Variants in CSNK1G2 observed in about 807,000 individuals in gnomAD.
The protein encoded by CSNK1G2 is casein kinase I isoform gamma-2.
In CSNK1G2, 11 loss-of-function variants were observed where a neutral mutation model predicts 48.0. That is an observed-to-expected ratio of 0.23 (90% CI 0.14 to 0.38). The LOEUF (loss-of-function observed/expected upper bound fraction) is 0.38, where lower values mean the gene tolerates loss of function less well. CSNK1G2 is among the 10% of genes least tolerant of loss of function. The pLI, the probability that CSNK1G2 is intolerant of heterozygous loss-of-function variation, is 1.00. For missense variants in CSNK1G2, 446 were observed against 595.5 expected (o/e 0.75, Z 2.61); for synonymous variants, 337 against 254.1 (o/e 1.33, Z -3.10).
At chr19:1,961,083 G>A (rs1024385778) in intron 1 of CSNK1G2, among the ~76,000 whole-genome samples, 1 of 152,224 alleles carries the variant, frequency 6.6e-6, no homozygotes, top group African/African-American at 2.4e-5. Flanking sequence ...CCCGCATGGT[G>A]GTCCTCTGCG....
At chr19:1,970,723 G>A (rs1279888876) in intron 2 of CSNK1G2, among the ~76,000 whole-genome samples, 1 of 152,218 alleles carries the variant, frequency 6.6e-6, no homozygotes, top group Non-Finnish European at 1.5e-5. Flanking sequence ...GAGCTCCTGC[G>A]GGAGGGCATT....
chr19:1,975,299 A>G lies in CSNK1G2; in HGVS notation c.188-3006A>G, dbSNP rs545256028. On this transcript the variant is annotated intron_variant, in intron 2 of 11. Coordinates refer to ENST00000255641, the MANE Select transcript of CSNK1G2 (RefSeq NM_001319.7). ...ACAGACAGCAGAGGGACGGTGTAGC[A>G]CACAGGCGAGGGCTTGTCCTCCTCA... 59 of 985,486 alleles carry G rather than the reference A, an allele frequency of 6.0e-5. No individual in the cohort carries two copies. In the East Asian group the frequency reaches 6.0e-3, roughly 100 times the overall value. 61.0% of individuals were successfully genotyped at this position (985,486 alleles called of 1,614,324 possible).
rs752275442 is a variant in CSNK1G2, at chr19:1,979,056, G to A, written c.645G>A (p.Thr215=). 53 of 1,597,556 alleles carry A rather than the reference G, an allele frequency of 3.3e-5. No homozygotes were observed. In the South Asian group the frequency reaches 4.3e-4, roughly 13 times the overall value. ...PYREHKSLTG[T]ARYMSINTHL... Reference sequence around the variant, plus strand: ...GCGAGCACAAGAGCCTGACGGGCACGGCGCGCTACATGAGCATCAACACGC... The same window carrying A: ...GCGAGCACAAGAGCCTGACGGGCACAGCGCGCTACATGAGCATCAACACGC... The change falls in exon 6 of 12, where the codon ACG becomes ACA. Residue 215 remains threonine, a synonymous_variant. Transcript: ENST00000255641.
rs1415657336 is a variant in CSNK1G2, at chr19:1,957,437, AGGG to A, written c.-265-12068_-265-12066del. 1.3e-5 allele frequency among the ~76,000 whole-genome samples: 2 copies of A among 152,298 alleles called. No individual in the cohort carries two copies. The highest frequency in any genetic ancestry group is 2.9e-5 in the Non-Finnish European group (2 of 68,010). On this transcript the variant is annotated intron_variant, in intron 1 of 11. Transcript: ENST00000255641. The surrounding 1 kb of genome is among the most constrained non-coding windows in gnomAD (Gnocchi z 5.4). ...TGAGCAGAGAGCAGCCTGGGAGAGA[AGGG>A]GGCTGCCCCGAGCGGCTTGGGTGGC...
intron 1 of CSNK1G2, among the ~76,000 whole-genome samples, chr19:1,964,276 G>A (rs1423972644): frequency 6.7e-6 from 1 of 150,080 alleles, no homozygotes; most frequent in Non-Finnish European, 1.5e-5. Context: ...CTGGGTGACA[G>A]AGTGAGACCC....
At chr19:1,948,955 A>G (rs2014668906) in intron 1 of CSNK1G2, among the ~76,000 whole-genome samples, 1 of 152,210 alleles carries the variant, frequency 6.6e-6, no homozygotes, top group Non-Finnish European at 1.5e-5. Context: ...CTCTTCACGC[A>G]GTGGAAGTAA....
At position 1,979,747 on chromosome 19, in the gene CSNK1G2, C is replaced by G; in HGVS notation, c.1003-5C>G. ...CCATCCTGACCCCTGCTCCCTCACC[C>G]ACAGCCGACCCCCATCGGCACCGTC... On this transcript the variant is annotated splice_region_variant and splice_polypyrimidine_tract_variant and intron_variant, in intron 9 of 11. Transcript: ENST00000255641. The G allele has an allele frequency of 6.2e-7, 1 of 1,605,530 alleles. No homozygotes were observed. Among genetic ancestry groups the G allele is most frequent in the Non-Finnish European group, 8.5e-7 (1 of 1,179,428 alleles).
In CSNK1G2 at chr19:1,979,634, G is replaced by C. The variant is rs1568207511; in HGVS notation, c.993G>C (p.Gly331=). 1.9e-6 allele frequency: 3 copies of C among 1,603,778 alleles called. No individual in the cohort carries two copies. The highest frequency in any genetic ancestry group is 2.5e-6 in the Non-Finnish European group (3 of 1,179,842). ...FVFDYEYDWA[G]KPLPTPIGTV... ...TCGACTATGAGTACGACTGGGCCGG[G>C]AAGCCCCTGGTAGGTGGGGGGGTGC... Residue 331 remains glycine (G), a synonymous_variant, in exon 9 of 12, where the codon GGG becomes GGC. Transcript: ENST00000255641.
At chr19:1,966,893 T>C (rs964632542) in intron 1 of CSNK1G2, among the ~76,000 whole-genome samples, 1 of 152,128 alleles carries the variant, frequency 6.6e-6, no homozygotes, top group African/African-American at 2.4e-5. Flanking sequence ...TTATTTAAGA[T>C]GGGGTCTTGC....
rs757241855 is a variant in CSNK1G2 at position 1,979,807 on chromosome 19, A to T, written c.1058A>T (p.Asp353Val). The T allele has an allele frequency of 1.2e-6, 2 of 1,607,276 alleles. No homozygotes were observed. The highest frequency in any genetic ancestry group is 3.4e-5 in the Admixed American group (2 of 59,508). ...CTGCCCTCCCAGCCTCAGCTCCGGG[A>T]CAAAACCCAGCCGCACAGCAAAAAC... The part of the protein sequence containing the change: ...TDLPSQPQLR[D>V]KTQPHSKNQA... Residue 353 changes from aspartate to valine, a missense_variant, in exon 10 of 12, where the codon GAC (aspartate) becomes GTC (valine). By Grantham distance (152) the Asp-to-Val change is radical. Transcript: ENST00000255641.
At position 1,943,677 on chromosome 19, in the gene CSNK1G2, C is replaced by T. The variant is rs1034553352; in HGVS notation, c.-266+2259C>T. 7.4e-4 allele frequency among the ~76,000 whole-genome samples: 113 copies of T among 152,268 alleles called. 1 individual carries two copies. Among genetic ancestry groups the T allele is most frequent in the African/African-American group, 2.6e-3 (106 of 41,528 alleles). Reference sequence around the variant, plus strand: ...GGTTACCGCGCGCCCGAGTGGCAGACTCTAGCGCCCCAGCAGATGCGTCCG... The same window carrying T: ...GGTTACCGCGCGCCCGAGTGGCAGATTCTAGCGCCCCAGCAGATGCGTCCG... On this transcript the variant is annotated intron_variant, in intron 1 of 11. Coordinates refer to ENST00000255641, the MANE Select transcript of CSNK1G2 (RefSeq NM_001319.7).
chr19:1,980,334 A>AG lies in CSNK1G2; in HGVS notation c.*135dup. 1 of 1,149,822 alleles carries AG rather than the reference A, an allele frequency of 8.7e-7. No individual in the cohort carries two copies. The highest frequency in any genetic ancestry group is 1.3e-6 in the Non-Finnish European group (1 of 784,844). The allele number at this position is 1,149,822 out of a possible 1,614,324, so 71.2% of individuals were successfully genotyped here. A position where few individuals can be genotyped will look rare whatever the true frequency, so the allele number is the denominator to read the frequency against. ...GGCTGGAAGCCAGAACGCAGACTGCAGGGGCCGCGCCTGGCTCAGGCGGCC... is the reference window on the plus strand; with the variant it reads ...GGCTGGAAGCCAGAACGCAGACTGCAGGGGGCCGCGCCTGGCTCAGGCGGCC... On this transcript the variant is annotated 3_prime_UTR_variant, in exon 12 of 12. Coordinates refer to ENST00000255641, the MANE Select transcript of CSNK1G2 (RefSeq NM_001319.7).
chr19:1,965,017 C>T (rs1171822445), intron 1 of CSNK1G2, among the ~76,000 whole-genome samples: 6 of 150,334 alleles, frequency 4.0e-5, no homozygotes, highest in African/African-American at 4.9e-5. Context: ...TGAGCCACCG[C>T]GCCTGGCCAA....
At chr19:1,979,432 G>GCCCCCCA (rs754896087) in intron 8 of CSNK1G2, 29 bp downstream of exon 8, 963 of 1,466,988 alleles carry the variant, frequency 6.6e-4, no homozygotes, top group South Asian at 2.3e-3. Context: ...CCCGCCCTGT[G>GCCCCCCA]CCCCCCACCC....
intron 1 of CSNK1G2, among the ~76,000 whole-genome samples, chr19:1,947,277 G>A (rs975583524): frequency 6.6e-6 from 1 of 152,198 alleles, no homozygotes; most frequent in Non-Finnish European, 1.5e-5. Context: ...CAGTCCTCTC[G>A]CCTTGGCCGT....
At chr19:1,961,422 T>C (rs1046234113) in intron 1 of CSNK1G2, among the ~76,000 whole-genome samples, 14 of 152,238 alleles carry the variant, frequency 9.2e-5, no homozygotes, top group African/African-American at 3.4e-4. Flanking sequence ...CTCCAGCCCA[T>C]GCTGAGGAGC....
At chr19:1,952,741 C>G in intron 1 of CSNK1G2, 1 of 287,006 alleles carries the variant, frequency 3.5e-6, no homozygotes, top group Non-Finnish European at 7.1e-6. Context: ...GGAGCTGAGT[C>G]GTGCGGGACT....
At chr19:1,967,109 C>G (rs2015388192) in intron 1 of CSNK1G2, among the ~76,000 whole-genome samples, 1 of 152,198 alleles carries the variant, frequency 6.6e-6, no homozygotes, top group South Asian at 2.1e-4. Context: ...GTGAACGTAA[C>G]TTGTGTGTGC....
At chr19:1,971,062 A>C (rs1599321578) in intron 2 of CSNK1G2, among the ~76,000 whole-genome samples, 1 of 152,108 alleles carries the variant, frequency 6.6e-6, no homozygotes, top group Admixed American at 6.5e-5. Context: ...CCTGCTTCCC[A>C]CCTCCTGCCT....
Sources: allele counts gnomAD v4.1 joint callset (sites outside exome capture counted in the v4.1 genomes callset), GRCh38; gene constraint gnomAD v4.1.1; non-coding constraint Gnocchi (gnomAD v3.1); transcripts MANE v1.5; gene names NCBI Gene and HGNC (gene_info 2026-07-23, HGNC 2026-07-21).